USP15: variants seen among roughly 807,000 people sequenced by gnomAD.
USP15 encodes the protein ubiquitin carboxyl-terminal hydrolase 15.
A neutral mutation model predicts 127.1 loss-of-function variants in USP15; 18 were observed. The ratio of observed to expected loss-of-function variants is 0.14; its 90% CI spans 0.10 to 0.21. The LOEUF is 0.21. Among genes scored for constraint, USP15 ranks in the 10% least tolerant of loss-of-function variants. USP15 has a pLI of 1.00. For synonymous variants in USP15, 364 were observed against 393.7 expected (o/e 0.92, Z 0.89); for missense variants, 805 against 1,159.9 (o/e 0.69, Z 4.44).
chr12:62,347,794 A>T (rs1200800089), intron 6 of USP15, among the ~76,000 whole-genome samples: 3 of 152,208 alleles, frequency 2.0e-5, no homozygotes, highest in Non-Finnish European at 4.4e-5. Context: ...AGGGTACGTA[A>T]CTAGAAATCC....
intron 2 of USP15, among the ~76,000 whole-genome samples, chr12:62,301,967 C>G (rs1195682794): frequency 1.3e-5 from 2 of 152,176 alleles, no homozygotes; most frequent in Non-Finnish European, 1.5e-5. Context: ...CAGATTAGGA[C>G]TGTGATGTAG....
At chr12:62,362,414 T>G (rs1454994700) in intron 8 of USP15, among the ~76,000 whole-genome samples, 1 of 152,114 alleles carries the variant, frequency 6.6e-6, no homozygotes, top group Non-Finnish European at 1.5e-5. Context: ...TAAAACAGTT[T>G]CCCTAGGAGG....
intron 15 of USP15, 74 bp downstream of exon 15, chr12:62,391,053 GAATT>G (rs2067310849): frequency 6.6e-7 from 1 of 1,519,096 alleles, no homozygotes; most frequent in African/African-American, 1.4e-5. Context: ...AAGAAAATGG[GAATT>G]AAAGAACTAA....
rs2067320147 is a variant in USP15 at position 62,391,370 on chromosome 12, A to C, written c.2174A>C (p.Asn725Thr). The part of the protein sequence containing the change: ...QFNNLGNTDI[N>T]YIKDDTRHIR... ...AACAACTTAGGCAATACTGATATCA[A>C]CTACATCAAAGATGATACCAGGCAT... The change falls in exon 16 of 22, where the codon AAC (asparagine) becomes ACC (threonine). Residue 725 changes from asparagine to threonine, a missense_variant. Physicochemically the swap from Asn to Thr is moderately conservative, Grantham distance 65. This residue lies in a region of USP15 where 225 missense variants were observed against 239.5 expected (regional missense o/e 0.94). Transcript: ENST00000280377. The C allele has an allele frequency of 6.2e-7, 1 of 1,613,088 alleles. No homozygotes were observed. Among genetic ancestry groups the C allele is most frequent in the African/African-American group, 1.3e-5 (1 of 75,002 alleles).
intron 1 of USP15, among the ~76,000 whole-genome samples, chr12:62,284,342 T>C (rs2063732964): frequency 6.6e-6 from 1 of 152,232 alleles, no homozygotes; most frequent in Non-Finnish European, 1.5e-5. Context: ...TAAGACTTAG[T>C]CCCTCAATTC....
At chr12:62,354,366 A>G (rs1427897458) in intron 7 of USP15, among the ~76,000 whole-genome samples, 2 of 151,954 alleles carry the variant, frequency 1.3e-5, no homozygotes, top group African/African-American at 2.4e-5. Context: ...AAGCTGTTCT[A>G]TTTATAGCAT....
chr12:62,371,255 A>G (rs1177392709), intron 8 of USP15, among the ~76,000 whole-genome samples: 4 of 152,190 alleles, frequency 2.6e-5, no homozygotes, highest in African/African-American at 9.7e-5. Context: ...AACTCTTTGT[A>G]TATACTGTTA....
chr12:62,269,380 A>C lies in USP15; in HGVS notation c.89+8877A>C, dbSNP rs150866583. ...TATGTGTGTGTGTGTATATATATAT[A>C]TCTAAACATAGAAAAGGTAGAGTAA... On this transcript the variant is annotated intron_variant, in intron 1 of 21. Coordinates refer to ENST00000280377, the MANE Select transcript of USP15 (RefSeq NM_001252078.2). 1.3e-3 allele frequency among the ~76,000 whole-genome samples: 194 copies of C among 152,112 alleles called. 2 individuals carry two copies. Among genetic ancestry groups the C allele is most frequent in the African/African-American group, 4.4e-3 (182 of 41,496 alleles).
At chr12:62,365,730 T>C (rs1382608705) in intron 8 of USP15, among the ~76,000 whole-genome samples, 2 of 152,346 alleles carry the variant, frequency 1.3e-5, no homozygotes, top group African/African-American at 2.4e-5. Context: ...GATTTTTGTA[T>C]AAGTTGTAAG....
chr12:62,343,930 G>A (rs985491367), intron 6 of USP15, among the ~76,000 whole-genome samples: 7 of 151,932 alleles, frequency 4.6e-5, no homozygotes, highest in Non-Finnish European at 7.4e-5. Context: ...GAAAAGACTC[G>A]CCTCCATGAT....
At chr12:62,360,269 T>C (rs995769224) in intron 8 of USP15, among the ~76,000 whole-genome samples, 2 of 152,138 alleles carry the variant, frequency 1.3e-5, no homozygotes, top group Non-Finnish European at 2.9e-5. Context: ...CAAAGACTTA[T>C]TCATTATTCC....
chr12:62,393,220 T>C lies in USP15; in HGVS notation c.2570+18T>C. ...CCTATCAAGTAAGCTTTAATTGTAC[T>C]TTATAAGCATTGGGCAACTCTTCTT... On this transcript the variant is annotated intron_variant, in intron 19 of 21. Transcript: ENST00000280377. 1 of 1,605,214 alleles carries C rather than the reference T, an allele frequency of 6.2e-7. No homozygotes were observed. Among genetic ancestry groups the C allele is most frequent in the Non-Finnish European group, 8.5e-7 (1 of 1,174,866 alleles).
rs2068052774 is a variant in USP15 at position 62,412,099 on chromosome 12, G to A, written c.*7724G>A. On this transcript the variant is annotated 3_prime_UTR_variant, in exon 22 of 22. Transcript: ENST00000280377. ...CAGCCACCATAAATATTTAAATAAA[G>A]TGAGTCACAAATTTTTTGGTTTCCC... is the stretch of plus-strand genomic sequence containing the variant. The A allele has an allele frequency of 2.0e-5, 3 of 152,152 alleles. No homozygotes were observed. The highest frequency in any genetic ancestry group is 6.6e-5 in the Admixed American group (1 of 15,262). The allele number at this position is 152,152 out of a possible 1,614,324, so 9.4% of individuals were successfully genotyped here.
intron 8 of USP15, among the ~76,000 whole-genome samples, chr12:62,364,276 A>C (rs972082316): frequency 6.6e-6 from 1 of 152,200 alleles, no homozygotes; most frequent in Non-Finnish European, 1.5e-5. Flanking sequence ...CCCAAAATAC[A>C]AGACTAGATC....
intron 21 of USP15, among the ~76,000 whole-genome samples, chr12:62,402,108 G>C (rs1297609569): frequency 1.3e-5 from 2 of 151,452 alleles, no homozygotes; most frequent in African/African-American, 4.9e-5. Context: ...TCCTCCATCA[G>C]TCTTTTTAAC....
rs114794282 is a variant in USP15, at chr12:62,396,969, C to G, written c.2674+571C>G. Reference sequence around the variant, plus strand: ...TAAGAATTTATTTGGGCTGCGTGCCCAAAAGTGAAATTGCTGAGTTTAAGT... The same window carrying G: ...TAAGAATTTATTTGGGCTGCGTGCCGAAAAGTGAAATTGCTGAGTTTAAGT... On this transcript the variant is annotated intron_variant, in intron 20 of 21. Transcript: ENST00000280377. 8.8e-3 allele frequency among the ~76,000 whole-genome samples: 1,338 copies of G among 152,214 alleles called. 20 individuals are homozygous for G. The highest frequency in any genetic ancestry group is 0.029 in the African/African-American group (1,217 of 41,524).
chr12:62,402,491 G>T (rs1007907366), intron 21 of USP15, among the ~76,000 whole-genome samples: 1 of 152,026 alleles, frequency 6.6e-6, no homozygotes, highest in East Asian at 1.9e-4. Context: ...AGTTCATGTG[G>T]TAAAGATGAT....
chr12:62,281,003 A>G (rs760714641), intron 1 of USP15, among the ~76,000 whole-genome samples: 1 of 152,202 alleles, frequency 6.6e-6, no homozygotes, highest in Non-Finnish European at 1.5e-5. Flanking sequence ...CCCTAATAGT[A>G]TATAAGGATT....
chr12:62,330,216 A>G (rs2065249289), intron 6 of USP15, among the ~76,000 whole-genome samples: 1 of 152,104 alleles, frequency 6.6e-6, no homozygotes, highest in Admixed American at 6.5e-5. Flanking sequence ...TCACTTGCTA[A>G]ATTTATTTAT....
Sources: allele counts gnomAD v4.1 joint callset (sites outside exome capture counted in the v4.1 genomes callset), GRCh38; gene constraint gnomAD v4.1.1; regional missense constraint gnomAD v4.1.1; transcripts MANE v1.5; gene names NCBI Gene and HGNC (gene_info 2026-07-23, HGNC 2026-07-21).